Variants in SLC5A10 observed in about 807,000 individuals in gnomAD.
The protein encoded by SLC5A10 is solute carrier family 5 member 10, also known as sodium/mannose cotransporter SLC5A10.
A neutral mutation model predicts 68.9 loss-of-function variants in SLC5A10; 55 were observed. The ratio of observed to expected loss-of-function variants is 0.80; its 90% CI spans 0.64 to 1.00. The LOEUF (loss-of-function observed/expected upper bound fraction) is 1.00, where lower values mean the gene tolerates loss of function less well. Among genes scored for constraint, SLC5A10 ranks in the 50% least tolerant of loss-of-function variants. SLC5A10 has a pLI of 0.00. For synonymous variants in SLC5A10, 344 were observed against 344.8 expected, an observed-to-expected ratio of 1.00 and a Z score of 0.02; for missense variants, 732 against 819.3, an observed-to-expected ratio of 0.89 and a Z score of 1.30.
intron 1 of SLC5A10, 37 bp from the exon 2 acceptor site, chr17:18,958,645 C>A: frequency 6.2e-7 from 1 of 1,601,100 alleles, no homozygotes; most frequent in Non-Finnish European, 8.6e-7. Context: ...CAGCAGTGTG[C>A]GGGCTTCCAA....
intron 9 of SLC5A10, among the ~76,000 whole-genome samples, chr17:19,008,544 G>C (rs2043948198): frequency 6.6e-6 from 1 of 150,478 alleles, no homozygotes; most frequent in South Asian, 2.1e-4. Context: ...CTGTTGCCCA[G>C]GCTGGCGTGC....
At chr17:18,979,447 G>A in intron 9 of SLC5A10, 2 of 1,432,604 alleles carry the variant, frequency 1.4e-6, no homozygotes, top group Non-Finnish European at 1.9e-6. Flanking sequence ...CAGCAGCCTT[G>A]GGACCAATGA....
chr17:19,008,609 C>G (rs1024725534), intron 9 of SLC5A10, among the ~76,000 whole-genome samples: 1 of 151,532 alleles, frequency 6.6e-6, no homozygotes, highest in Admixed American at 6.6e-5. Flanking sequence ...ACACCATTCT[C>G]CTGCCTCAGC....
At chr17:18,960,403 A>T in intron 4 of SLC5A10, 145 bp from the exon 5 acceptor site, 1 of 715,922 alleles carries the variant, frequency 1.4e-6, no homozygotes, top group Non-Finnish European at 2.4e-6. Context: ...CTGGGGCTGT[A>T]AGGGGTCAGT....
At chr17:19,013,927 T>G (rs927393330) in intron 10 of SLC5A10, among the ~76,000 whole-genome samples, 2 of 152,138 alleles carry the variant, frequency 1.3e-5, no homozygotes, top group Non-Finnish European at 2.9e-5. Flanking sequence ...TTCATCCATC[T>G]CCATGAGCAA....
At chr17:18,977,493 G>T in intron 9 of SLC5A10, 1 of 1,275,252 alleles carries the variant, frequency 7.8e-7, no homozygotes, top group Non-Finnish European at 1.1e-6. Context: ...CAGAGTCAGG[G>T]ACATGGTAGC....
At chr17:18,956,239 A>G (rs867703857) in intron 1 of SLC5A10, among the ~76,000 whole-genome samples, 2 of 128,156 alleles carry the variant, frequency 1.6e-5, no homozygotes, top group East Asian at 2.1e-4. Context: ...AAATAAATAA[A>G]TAACAAATAG....
chr17:18,972,988 T>C (rs1319706095), intron 8 of SLC5A10, among the ~76,000 whole-genome samples: 1 of 152,152 alleles, frequency 6.6e-6, no homozygotes, highest in East Asian at 1.9e-4. Flanking sequence ...TGCTCCGGCA[T>C]GCTGTGCTCA....
intron 8 of SLC5A10, among the ~76,000 whole-genome samples, chr17:18,973,472 A>G (rs2042905264): frequency 6.6e-6 from 1 of 152,004 alleles, no homozygotes; most frequent in Non-Finnish European, 1.5e-5. Context: ...CCCATCCTCT[A>G]CCCCTTGGGC....
intron 13 of SLC5A10, 40 bp from the exon 14 acceptor site, chr17:19,020,115 A>ACCCCCC: frequency 7.3e-6 from 2 of 272,738 alleles, no homozygotes; most frequent in Non-Finnish European, 1.3e-5. Context: ...CCACCCTGCC[A>ACCCCCC]TCCCCCACCC....
intron 2 of SLC5A10, 21 bp from the exon 3 acceptor site, chr17:18,959,114 G>C: frequency 6.2e-7 from 1 of 1,601,760 alleles, no homozygotes; most frequent in Non-Finnish European, 8.5e-7. Context: ...CTGCTGATGC[G>C]TTTCCCTTTC....
intron 9 of SLC5A10, among the ~76,000 whole-genome samples, chr17:19,002,204 C>T (rs1330532729): frequency 6.6e-6 from 1 of 152,234 alleles, no homozygotes; most frequent in African/African-American, 2.4e-5. Context: ...CAGCTTTTAT[C>T]CACACCACCT....
In SLC5A10 at chr17:18,969,170, CA is replaced by C. The variant is rs763832470; in HGVS notation, c.559+14del. The stretch of plus-strand genomic sequence containing the variant: ...TACACCATCGCAGGTATGGTGCCTG[CA>C]GCAGGGAGGTCCACCCAGGGGACGT... On this transcript the variant is annotated intron_variant, in intron 6 of 14. Transcript: ENST00000395645. The C allele has an allele frequency of 8.7e-6, 14 of 1,611,872 alleles. 2 individuals are homozygous for C. The South Asian group carries it at 1.5e-4, about 18-fold the overall frequency.
chr17:18,968,999 C>A lies in SLC5A10; in HGVS notation c.454-53C>A. 6.4e-7 allele frequency: 1 copy of A among 1,553,924 alleles called. No individual in the cohort carries two copies. Among genetic ancestry groups the A allele is most frequent in the South Asian group, 1.2e-5 (1 of 82,326 alleles). On this transcript the variant is annotated intron_variant, in intron 5 of 14. Transcript: ENST00000395645. This position sits in a 1 kb window ranked among gnomAD's most constrained non-coding sequence, Gnocchi z 4.1. ...TTGCCCGAGGTCACCCAGGGAGTGG[C>A]TTGCTGGAGCCCTGGGAATAACAGT... is the stretch of plus-strand genomic sequence containing the variant.
At position 18,971,749 on chromosome 17, in the gene SLC5A10, C is replaced by T. The variant is rs200180658; in HGVS notation, c.846+531C>T. 1.5e-5 allele frequency: 23 copies of T among 1,557,974 alleles called. No individual in the cohort carries two copies. In the Admixed American group the frequency reaches 1.5e-4, roughly 10 times the overall value. Reference sequence around the variant, plus strand: ...CCCTGTGATGATGAAACTGCTGGCCCTGGGAGAGAGAGAGCAGAGAGTGAG... The same window carrying T: ...CCCTGTGATGATGAAACTGCTGGCCTTGGGAGAGAGAGAGCAGAGAGTGAG... On this transcript the variant is annotated intron_variant, in intron 8 of 14. Transcript: ENST00000395645. The surrounding 1 kb of genome is among the most constrained non-coding windows in gnomAD (Gnocchi z 5.5).
chr17:18,959,347 G>A, intron 3 of SLC5A10, 108 bp downstream of exon 3: 1 of 1,221,714 alleles, frequency 8.2e-7, no homozygotes, highest in Non-Finnish European at 1.2e-6. Flanking sequence ...ATGTCCAGGT[G>A]GGCTCTGTGC....
At chr17:18,974,380 C>T (rs888897835) in intron 8 of SLC5A10, among the ~76,000 whole-genome samples, 25 of 152,196 alleles carry the variant, frequency 1.6e-4, no homozygotes, top group African/African-American at 5.8e-4. Context: ...AAACCAGTAA[C>T]AAAGAGGCAA....
intron 9 of SLC5A10, among the ~76,000 whole-genome samples, chr17:18,985,722 G>A (rs2043252840): frequency 6.6e-6 from 1 of 152,214 alleles, no homozygotes; most frequent in African/African-American, 2.4e-5. Flanking sequence ...TCCCATGGAG[G>A]CGTCTAGCTC....
intron 1 of SLC5A10, 139 bp downstream of exon 1, chr17:18,952,455 A>G: frequency 9.6e-7 from 1 of 1,040,948 alleles, no homozygotes; most frequent in Non-Finnish European, 1.4e-6. Context: ...TCCTCCTCCC[A>G]GCCTGGGGTA....
Sources: gnomAD v4.1 joint callset for allele counts (sites outside exome capture counted in the v4.1 genomes callset) on GRCh38, gnomAD v4.1.1 for gene constraint, Gnocchi (gnomAD v3.1) non-coding constraint, MANE v1.5 for transcripts, NCBI Gene and HGNC (gene_info 2026-07-23, HGNC 2026-07-21) for gene names.